Variants in NINJ2 observed in about 807,000 individuals in gnomAD.
NINJ2 encodes ninjurin 2.
In NINJ2, 12 loss-of-function variants were observed where a neutral mutation model predicts 11.7. The ratio of observed to expected loss-of-function variants is 1.02; its 90% confidence interval spans 0.66 to 1.66. The LOEUF is 1.66. NINJ2 is among the 40% of genes most tolerant of loss of function. The pLI is 0.00. For synonymous variants in NINJ2, 93 were observed against 76.8 expected, an observed-to-expected ratio of 1.21 and a Z score of -1.10; for missense variants, 187 against 181.8, an observed-to-expected ratio of 1.03 and a Z score of -0.16.
intron 1 of NINJ2, among the ~76,000 whole-genome samples, chr12:569,150 G>A (rs532980720): frequency 1.7e-4 from 26 of 152,320 alleles, no homozygotes; most frequent in African/African-American, 6.3e-4. Context: ...GGACCTGCAT[G>A]GACTTGGGAG....
rs1302158178 is a variant in NINJ2, at chr12:640,066, C to A, written c.33+23262G>T. ...GTTAAGTCAGCGTCCCTCCAATGTG[C>A]CAGACCTACTGTCACAGCAATATGT... On this transcript the variant is annotated intron_variant, in intron 1 of 3. Coordinates refer to ENST00000305108, the MANE Select transcript of NINJ2 (RefSeq NM_016533.6). The surrounding 1 kb of genome is among the most constrained non-coding windows in gnomAD (Gnocchi z 4.0). 6.6e-6 allele frequency among the ~76,000 whole-genome samples: 1 copy of A among 152,216 alleles called. No homozygotes were observed. The highest frequency in any genetic ancestry group is 2.4e-5 in the African/African-American group (1 of 41,458).
chr12:601,336 G>T (rs1947864946), intron 1 of NINJ2, among the ~76,000 whole-genome samples: 1 of 147,100 alleles, frequency 6.8e-6, no homozygotes, highest in East Asian at 2.1e-4. Context: ...CAGGAAGTCA[G>T]GAGATCGAGA....
At chr12:609,886 G>A (rs1317784405) in intron 1 of NINJ2, among the ~76,000 whole-genome samples, 1 of 150,118 alleles carries the variant, frequency 6.7e-6, no homozygotes. Context: ...AGGCTGCAGT[G>A]AGTCATGATG....
chr12:642,832 T>G (rs1948438452), intron 1 of NINJ2: 1 of 151,516 alleles, frequency 6.6e-6, no homozygotes, highest in African/African-American at 2.4e-5. Context: ...GCAGACCGGA[T>G]GCGGGAAGTG....
intron 1 of NINJ2, among the ~76,000 whole-genome samples, chr12:574,323 C>CA (rs575584589): frequency 3.3e-5 from 5 of 151,544 alleles, no homozygotes; most frequent in Non-Finnish European, 5.9e-5. Context: ...GACTCCATCT[C>CA]AAAAAAAATA....
intron 1 of NINJ2, among the ~76,000 whole-genome samples, chr12:639,384 G>A (rs537851547): frequency 6.6e-6 from 1 of 152,262 alleles, no homozygotes; most frequent in Non-Finnish European, 1.5e-5. Context: ...ACTTGCCCTA[G>A]GTCAGACAGC....
chr12:589,234 C>A (rs1303696470), intron 1 of NINJ2, among the ~76,000 whole-genome samples: 1 of 152,062 alleles, frequency 6.6e-6, no homozygotes, highest in Non-Finnish European at 1.5e-5. Flanking sequence ...TGTTCTTGTT[C>A]AATCAGTAAA....
rs2245918 is a variant in NINJ2 at position 564,349 on chromosome 12, T to C, written c.*351A>G. On this transcript the variant is annotated 3_prime_UTR_variant, in exon 4 of 4. Coordinates refer to ENST00000305108, the MANE Select transcript of NINJ2 (RefSeq NM_016533.6). Reference sequence around the variant, plus strand: ...GATTCCATTTTACAAGAAGGGAAAATTGAGGCCTGGAGCAGAAGGAAGCAG... The same window carrying C: ...GATTCCATTTTACAAGAAGGGAAAACTGAGGCCTGGAGCAGAAGGAAGCAG... The C allele has an allele frequency of 0.17, 25,650 of 152,062 alleles. 3,101 individuals are homozygous for C. The highest frequency in any genetic ancestry group is 0.32 in the African/African-American group (13,388 of 41,428). The allele number at this position is 152,062 out of a possible 1,614,324, so 9.4% of individuals were successfully genotyped here. A position where few individuals can be genotyped will look rare whatever the true frequency, so the allele number is the denominator to read the frequency against.
intron 1 of NINJ2, among the ~76,000 whole-genome samples, chr12:652,418 GA>G (rs1244460377): frequency 4.6e-5 from 7 of 152,126 alleles, no homozygotes; most frequent in Admixed American, 4.6e-4. Flanking sequence ...AAGAAATATT[GA>G]AAGAAGTTCT....
At chr12:608,848 T>C (rs1467583635) in intron 1 of NINJ2, among the ~76,000 whole-genome samples, 2 of 152,222 alleles carry the variant, frequency 1.3e-5, no homozygotes, top group Non-Finnish European at 2.9e-5. Flanking sequence ...ATCAGGTCCA[T>C]GTTTAATCTT....
intron 1 of NINJ2, among the ~76,000 whole-genome samples, chr12:656,338 T>C (rs965038293): frequency 2.6e-5 from 4 of 151,882 alleles, no homozygotes; most frequent in East Asian, 3.9e-4. Flanking sequence ...CACTCCAGCC[T>C]GGAGACAGAG....
intron 1 of NINJ2, among the ~76,000 whole-genome samples, chr12:611,558 G>A (rs547176499): frequency 6.6e-6 from 1 of 152,108 alleles, no homozygotes; most frequent in Non-Finnish European, 1.5e-5. Context: ...GGCTGGTCTC[G>A]AACTCCTGAC....
intron 1 of NINJ2, among the ~76,000 whole-genome samples, chr12:630,349 CT>C: frequency 6.6e-6 from 1 of 151,946 alleles, no homozygotes; most frequent in African/African-American, 2.4e-5. Flanking sequence ...TTTTTATTCT[CT>C]TTTTCTTGGT....
chr12:609,610 A>G (rs1947998917), intron 1 of NINJ2, among the ~76,000 whole-genome samples: 1 of 140,800 alleles, frequency 7.1e-6, no homozygotes, highest in Non-Finnish European at 1.6e-5. Context: ...TCTACTAAAA[A>G]TACAAAAAAA....
chr12:609,770 CAAAAAA>C (rs1185755822), intron 1 of NINJ2, among the ~76,000 whole-genome samples: 7,600 of 88,854 alleles, frequency 0.086, 443 homozygotes, highest in Non-Finnish European at 0.11. Context: ...GACTCTGCCT[CAAAAAA>C]AAAAAAAAAA....
At chr12:572,981 C>G (rs1443606217) in intron 1 of NINJ2, among the ~76,000 whole-genome samples, 1 of 150,230 alleles carries the variant, frequency 6.7e-6, no homozygotes, top group South Asian at 2.1e-4. Flanking sequence ...CTCAGCCTCC[C>G]GAGTAGCTGG....
intron 3 of NINJ2, among the ~76,000 whole-genome samples, 192 bp downstream of exon 3, chr12:565,025 A>G (rs1343409099): frequency 6.6e-6 from 1 of 152,244 alleles, no homozygotes; most frequent in Non-Finnish European, 1.5e-5. Context: ...GCAGAGAGCC[A>G]TTAACACAGC....
At chr12:613,911 T>A (rs1018468217) in intron 1 of NINJ2, among the ~76,000 whole-genome samples, 2 of 151,814 alleles carry the variant, frequency 1.3e-5, no homozygotes, top group Non-Finnish European at 2.9e-5. Context: ...TCTCAAAAAA[T>A]AATAATAATA....
chr12:645,702 T>C (rs1304326874), intron 1 of NINJ2: 1 of 152,166 alleles, frequency 6.6e-6, no homozygotes, highest in East Asian at 1.9e-4. Context: ...CAATTTCCCT[T>C]AGTCATGGCA....
Sources: gnomAD v4.1 joint callset for allele counts (sites outside exome capture counted in the v4.1 genomes callset) on GRCh38, gnomAD v4.1.1 for gene constraint, Gnocchi (gnomAD v3.1) non-coding constraint, MANE v1.5 for transcripts, NCBI Gene and HGNC (gene_info 2026-07-23, HGNC 2026-07-21) for gene names.